LRBA: variants seen among roughly 807,000 people sequenced by gnomAD.
The protein encoded by LRBA is lipopolysaccharide-responsive and beige-like anchor protein.
Under a neutral mutation model 330.0 loss-of-function variants are expected in LRBA, and 176 were observed. That is an observed-to-expected ratio of 0.53 (90% CI 0.47 to 0.60). LRBA has a LOEUF of 0.60. LRBA is among the 20% of genes least tolerant of loss of function. LRBA has a pLI of 0.00. For synonymous variants in LRBA, 1,230 were observed against 1,193.0 expected, an observed-to-expected ratio of 1.03 and a Z score of -0.64; for missense variants, 3,259 against 3,444.8, an observed-to-expected ratio of 0.95 and a Z score of 1.35.
At chr4:150,822,770 T>C (rs1214191487) in intron 30 of LRBA, among the ~76,000 whole-genome samples, 1 of 151,860 alleles carries the variant, frequency 6.6e-6, no homozygotes, top group Non-Finnish European at 1.5e-5. Flanking sequence ...AATAAATAAA[T>C]AAAAATTGAA....
At chr4:150,646,122 A>G (rs1340958114) in intron 37 of LRBA, among the ~76,000 whole-genome samples, 1 of 151,904 alleles carries the variant, frequency 6.6e-6, no homozygotes, top group Admixed American at 6.6e-5. Flanking sequence ...ATAAGAAAAT[A>G]ATGATTTTTC....
chr4:150,893,327 A>G (rs1729673179), intron 16 of LRBA, among the ~76,000 whole-genome samples, 178 bp from the exon 17 acceptor site: 1 of 152,202 alleles, frequency 6.6e-6, no homozygotes, highest in Admixed American at 6.5e-5. Context: ...TGTAACTCCA[A>G]ATATACATAA....
chr4:150,543,610 C>T (rs183108080), intron 40 of LRBA, among the ~76,000 whole-genome samples: 2 of 152,068 alleles, frequency 1.3e-5, no homozygotes, highest in South Asian at 2.1e-4. Context: ...ATCTCACTAC[C>T]AGAAAAAATA....
rs556113487 is a variant in LRBA, at chr4:150,828,402, T to C, written c.4949A>G (p.Lys1650Arg). ...TCTATCATTTTTGGTTTCCGGAGAC[T>C]TATTGACTTCTAAAGAAAGAGTAGA... The part of the protein sequence containing the change: ...VLSTLSLEVN[K>R]SPETKNDRGN... The change falls in exon 30 of 57, where the codon AAG becomes AGG. Residue 1650 changes from lysine (K) to arginine (R), a missense_variant. Coordinates refer to ENST00000651943, the MANE Select transcript of LRBA (RefSeq NM_001364905.1). 34 of 1,614,096 alleles carry C rather than the reference T, an allele frequency of 2.1e-5. No homozygotes were observed. The African/African-American group carries it at 4.1e-4, about 20-fold the overall frequency.
intron 47 of LRBA, among the ~76,000 whole-genome samples, chr4:150,401,758 A>G (rs1034916543): frequency 6.6e-6 from 1 of 152,150 alleles, no homozygotes; most frequent in African/African-American, 2.4e-5. Context: ...AAATATCCCT[A>G]TTCTTAGGAG....
intron 20 of LRBA, among the ~76,000 whole-genome samples, chr4:150,869,683 G>A (rs1753190488): frequency 6.6e-6 from 1 of 151,874 alleles, no homozygotes. Flanking sequence ...CACAAGACTC[G>A]GTCTCTAAAT....
chr4:150,289,416 G>A (rs997744633), intron 53 of LRBA, among the ~76,000 whole-genome samples: 5 of 151,940 alleles, frequency 3.3e-5, no homozygotes, highest in African/African-American at 4.8e-5. Flanking sequence ...TGCTAATCCC[G>A]GAAGCAGGTT....
At chr4:150,831,091 G>GT (rs1204333666) in intron 29 of LRBA, among the ~76,000 whole-genome samples, 1 of 151,748 alleles carries the variant, frequency 6.6e-6, no homozygotes. Flanking sequence ...AACATAAATT[G>GT]TAACTCCTGT....
rs574598996 is a variant in LRBA at position 150,392,923 on chromosome 4, G to A, written c.7194+22515C>T. Among the ~76,000 whole-genome samples, 35 of 151,610 alleles carry A rather than the reference G, an allele frequency of 2.3e-4. No homozygotes were observed. In the East Asian group the frequency reaches 4.1e-3, roughly 18 times the overall value. On this transcript the variant is annotated intron_variant, in intron 47 of 56. Transcript: ENST00000651943. ...ATGCAGGGCTTAAAACCTAGATGAC[G>A]GGTTAAAAGGTGCAGCGAACCACCA...
In LRBA at chr4:150,817,225, A is replaced by G. The variant is rs780962846; in HGVS notation, c.5204T>C (p.Val1735Ala). 1.2e-6 allele frequency: 2 copies of G among 1,612,248 alleles called. No homozygotes were observed. Among genetic ancestry groups the G allele is most frequent in the Non-Finnish European group, 1.7e-6 (2 of 1,178,720 alleles). Reference sequence around the variant, plus strand: ...GCTTGTATTAAAGGTGGAAGGTGAGACTGCTGACTTTTTTGCTGCAACAAT... The same window carrying G: ...GCTTGTATTAAAGGTGGAAGGTGAGGCTGCTGACTTTTTTGCTGCAACAAT... ...SVIVAAKKSA[V>A]SPSTFNTSIP... The change falls in exon 31 of 57, where the codon GTC becomes GCC. Residue 1735 changes from valine to alanine, a missense_variant. Coordinates refer to ENST00000651943, the MANE Select transcript of LRBA (RefSeq NM_001364905.1).
intron 2 of LRBA, among the ~76,000 whole-genome samples, chr4:150,950,076 G>A (rs1055292347): frequency 2.6e-5 from 4 of 152,070 alleles, no homozygotes; most frequent in African/African-American, 9.7e-5. Context: ...TGTGTGCACT[G>A]AAGGCTAATA....
chr4:150,926,584 T>C (rs1733907981), intron 4 of LRBA, among the ~76,000 whole-genome samples: 1 of 152,128 alleles, frequency 6.6e-6, no homozygotes, highest in South Asian at 2.1e-4. Flanking sequence ...CTAAATTCAG[T>C]AGCCATAAGC....
chr4:150,300,300 ATACAT>A (rs1356347293), intron 53 of LRBA, among the ~76,000 whole-genome samples: 4 of 152,060 alleles, frequency 2.6e-5, no homozygotes, highest in Non-Finnish European at 5.9e-5. Context: ...TTCAGTCAAG[ATACAT>A]TACAATTTTC....
chr4:150,554,373 G>C (rs1196371783), intron 40 of LRBA, among the ~76,000 whole-genome samples: 3 of 152,146 alleles, frequency 2.0e-5, no homozygotes, highest in African/African-American at 7.2e-5. Flanking sequence ...GGTAAAACCA[G>C]GAAGTAGGAT....
chr4:150,439,740 A>G (rs757597536), intron 44 of LRBA, among the ~76,000 whole-genome samples: 2 of 152,182 alleles, frequency 1.3e-5, no homozygotes, highest in Non-Finnish European at 2.9e-5. Flanking sequence ...CATCCTAACA[A>G]TAGATCTGTA....
chr4:150,488,301 A>C (rs1278690098), intron 41 of LRBA, among the ~76,000 whole-genome samples: 1 of 151,726 alleles, frequency 6.6e-6, no homozygotes, highest in Non-Finnish European at 1.5e-5. Flanking sequence ...ATAGCTATGA[A>C]ATAATCAGTT....
intron 44 of LRBA, among the ~76,000 whole-genome samples, chr4:150,448,700 G>A (rs1273912987): frequency 1.3e-5 from 2 of 151,330 alleles, no homozygotes; most frequent in African/African-American, 2.4e-5. Context: ...TACTTGGGAG[G>A]CTGAGGCAGG....
intron 28 of LRBA, among the ~76,000 whole-genome samples, chr4:150,837,640 C>A (rs1361818548): frequency 6.6e-6 from 1 of 152,066 alleles, no homozygotes; most frequent in Non-Finnish European, 1.5e-5. Context: ...TTTCCATTTG[C>A]TTGGTAGATC....
chr4:150,464,783 T>A (rs540774194), intron 44 of LRBA, among the ~76,000 whole-genome samples: 1 of 152,064 alleles, frequency 6.6e-6, no homozygotes, highest in Non-Finnish European at 1.5e-5. Flanking sequence ...AACTTGGGAA[T>A]GTTTAGGGCA....
Sources: gnomAD v4.1 joint callset for allele counts (sites outside exome capture counted in the v4.1 genomes callset) on GRCh38, gnomAD v4.1.1 for gene constraint, MANE v1.5 for transcripts, NCBI Gene and HGNC (gene_info 2026-07-23, HGNC 2026-07-21) for gene names.